The following KBTBD8 variants were observed in gnomAD, a reference collection of about 807,000 sequenced individuals.
KBTBD8 encodes the protein kelch repeat and BTB domain containing 8, also known as kelch repeat and BTB domain-containing protein 8.
In KBTBD8, 31 loss-of-function variants were observed where a neutral mutation model predicts 53.5. The observed-to-expected ratio is 0.58, with a 90% CI of 0.44 to 0.78. The LOEUF (loss-of-function observed/expected upper bound fraction) is 0.78, where lower values mean the gene tolerates loss of function less well. Ranked by LOEUF, KBTBD8 falls within the 30% of genes least tolerant of loss-of-function variation. The pLI is 0.00. For missense variants in KBTBD8, 642 were observed against 735.8 expected (o/e 0.87, Z 1.48); for synonymous variants, 250 against 247.3 (o/e 1.01, Z -0.10).
At position 66,998,347 on chromosome 3, in the gene KBTBD8, C is replaced by G; in HGVS notation, c.-9C>G. On this transcript the variant is annotated 5_prime_UTR_variant, in exon 1 of 4. Transcript: ENST00000417314. ...TTTTAAATAGCTGGAGTCGGGGCCC[C>G]ATCGAGAAATGGCCGCGTCGGCAGG... The G allele has an allele frequency of 7.7e-7, 1 of 1,293,106 alleles. No homozygotes were observed. 80.1% of individuals were successfully genotyped at this position (1,293,106 alleles called of 1,614,324 possible). A position where few individuals can be genotyped will look rare whatever the true frequency, so the allele number is the denominator to read the frequency against.
In KBTBD8 at chr3:67,003,403, C is replaced by T. The variant is rs1702034331; in HGVS notation, c.436C>T (p.His146Tyr). 3 of 1,613,944 alleles carry T rather than the reference C, an allele frequency of 1.9e-6. No homozygotes were observed. The African/African-American group carries it at 4.0e-5, about 22-fold the overall frequency. Reference sequence around the variant, plus strand: ...CCAATGTGCTAAGTATATGATCAGTCATTTGGACCCACAGAATTCTATTGG... The same window carrying T: ...CCAATGTGCTAAGTATATGATCAGTTATTTGGACCCACAGAATTCTATTGG... ...QDQCAKYMIS[H>Y]LDPQNSIGVF... The change falls in exon 3 of 4, where the codon CAT (histidine) becomes TAT (tyrosine). Residue 146 changes from histidine (H) to tyrosine (Y), a missense_variant. By Grantham distance (83) the His-to-Tyr change is moderately conservative. Transcript: ENST00000417314.
chr3:66,998,847 G>A, intron 1 of KBTBD8, 134 bp from the exon 2 acceptor site: 1 of 694,952 alleles, frequency 1.4e-6, no homozygotes, highest in Non-Finnish European at 2.5e-6. Context: ...ACGAGGTCGT[G>A]CGTATATCCA....
chr3:67,008,035 A>G lies in KBTBD8; in HGVS notation c.1456A>G (p.Ile486Val). The G allele has an allele frequency of 1.2e-6, 2 of 1,613,826 alleles. No individual in the cohort carries two copies. The highest frequency in any genetic ancestry group is 1.1e-5 in the South Asian group (1 of 91,074). The change falls in exon 4 of 4, where the codon ATA (isoleucine) becomes GTA (valine). Residue 486 changes from isoleucine to valine, a missense_variant. Ile to Val is a conservative substitution (Grantham distance 29). Transcript: ENST00000417314. The stretch of plus-strand genomic sequence containing the variant: ...TGTATACAAGGACTCTATCTACTAC[A>G]TAGCTGGAACCTGTGGAAATCATCA... ...AAVYKDSIYYIAGTCGNHQRM... is the reference protein window; with the variant it reads ...AAVYKDSIYYVAGTCGNHQRM...
intron 2 of KBTBD8, 124 bp downstream of exon 2, chr3:66,999,315 A>C (rs1481093012): frequency 1.2e-6 from 1 of 807,812 alleles, no homozygotes; most frequent in East Asian, 2.4e-5. Flanking sequence ...TTGTTTCTTG[A>C]GACTAGAAAA....
Position 67,009,950 on chromosome 3 carries a change from C to T in KBTBD8, c.*1565C>T, listed in dbSNP as rs952513920. ...AAACATTGCCTCTTTGCATCACATACCTCGTTTTTCAGAAACTTTCCAAAC... is the reference window on the plus strand; with the variant it reads ...AAACATTGCCTCTTTGCATCACATATCTCGTTTTTCAGAAACTTTCCAAAC... On this transcript the variant is annotated 3_prime_UTR_variant, in exon 4 of 4. Transcript: ENST00000417314. 2.6e-5 allele frequency: 4 copies of T among 152,598 alleles called. No individual in the cohort carries two copies. The highest frequency in any genetic ancestry group is 5.9e-5 in the Non-Finnish European group (4 of 67,996). 9.5% of individuals were successfully genotyped at this position (152,598 alleles called of 1,614,324 possible).
chr3:66,998,399 T>A (rs1480508398), intron 1 of KBTBD8, 28 bp downstream of exon 1: 2 of 1,210,818 alleles, frequency 1.7e-6, no homozygotes, highest in Non-Finnish European at 2.1e-6. Flanking sequence ...CAGGGCGGCG[T>A]GGAGGGAGGT....
At position 67,007,963 on chromosome 3, in the gene KBTBD8, G is replaced by A; in HGVS notation, c.1384G>A (p.Gly462Ser). The A allele has an allele frequency of 1.2e-6, 2 of 1,602,376 alleles. No homozygotes were observed. The highest frequency in any genetic ancestry group is 1.7e-6 in the Non-Finnish European group (2 of 1,175,818). The change falls in exon 4 of 4, where the codon GGT (glycine) becomes AGT (serine). Residue 462 changes from glycine (G) to serine (S), a missense_variant. Physicochemically the swap from Gly to Ser is moderately conservative, Grantham distance 56. Transcript: ENST00000417314. ...CTATGAGCCTCAAAAAGACTACTGG[G>A]GTTTCTTAACCCCCATGACTGTGCC... is the stretch of plus-strand genomic sequence containing the variant. ...LFYEPQKDYW[G>S]FLTPMTVPRI...
rs1283960724 is a variant in KBTBD8 at position 66,998,318 on chromosome 3, T to C, written c.-38T>C. 7.7e-7 allele frequency: 1 copy of C among 1,295,434 alleles called. No homozygotes were observed. The highest frequency in any genetic ancestry group is 9.9e-7 in the Non-Finnish European group (1 of 1,013,470). 80.2% of individuals were successfully genotyped at this position (1,295,434 alleles called of 1,614,324 possible). A position where few individuals can be genotyped will look rare whatever the true frequency, so the allele number is the denominator to read the frequency against. ...GGAGCTAGAGAAGCGAAATGACATTTCCTTTTTAAATAGCTGGAGTCGGGG... is the reference window on the plus strand; with the variant it reads ...GGAGCTAGAGAAGCGAAATGACATTCCCTTTTTAAATAGCTGGAGTCGGGG... On this transcript the variant is annotated 5_prime_UTR_variant, in exon 1 of 4. Transcript: ENST00000417314.
intron 3 of KBTBD8, 74 bp from the exon 4 acceptor site, chr3:67,007,848 T>A: frequency 1.3e-6 from 1 of 750,872 alleles, no homozygotes; most frequent in Non-Finnish European, 2.1e-6. Flanking sequence ...TCTTTAGAGG[T>A]TGTAGTTACA....
chr3:67,007,917 T>TC lies in KBTBD8; in HGVS notation c.1343-5_1343-4insC. The stretch of plus-strand genomic sequence containing the variant: ...ATATTCTTGTTTTCTTTTTTTTTTT[T>TC]TTAGGAGAATTTTTTCTCTTCTATG... On this transcript the variant is annotated splice_region_variant and splice_polypyrimidine_tract_variant and intron_variant, in intron 3 of 3. Coordinates refer to ENST00000417314, the MANE Select transcript of KBTBD8 (RefSeq NM_032505.3). 6.8e-7 allele frequency: 1 copy of TC among 1,474,556 alleles called. No individual in the cohort carries two copies. The highest frequency in any genetic ancestry group is 1.3e-5 in the South Asian group (1 of 74,390). The allele number at this position is 1,474,556 out of a possible 1,614,324, so 91.3% of individuals were successfully genotyped here. A position where few individuals can be genotyped will look rare whatever the true frequency, so the allele number is the denominator to read the frequency against.
chr3:67,009,999 T>C lies in KBTBD8; in HGVS notation c.*1614T>C, dbSNP rs1702103041. ...ACTGCTTTACATAGACCTCTACAAG[T>C]AGGGAATGTTTTCTGAAGCAGAAGT... On this transcript the variant is annotated 3_prime_UTR_variant, in exon 4 of 4. Coordinates refer to ENST00000417314, the MANE Select transcript of KBTBD8 (RefSeq NM_032505.3). The C allele has an allele frequency of 6.6e-6, 1 of 152,578 alleles. No individual in the cohort carries two copies. Among genetic ancestry groups the C allele is most frequent in the African/African-American group, 2.4e-5 (1 of 41,434 alleles). 9.5% of individuals were successfully genotyped at this position (152,578 alleles called of 1,614,324 possible).
Position 67,001,756 on chromosome 3 carries a change from G to A in KBTBD8, c.228-1439G>A, listed in dbSNP as rs190083221. On this transcript the variant is annotated intron_variant, in intron 2 of 3. Coordinates refer to ENST00000417314, the MANE Select transcript of KBTBD8 (RefSeq NM_032505.3). Reference sequence around the variant, plus strand: ...CATTGTAGAAGTAAAAACAGGACTCGAAGATGATTAACCTGGGCAGCAAGT... The same window carrying A: ...CATTGTAGAAGTAAAAACAGGACTCAAAGATGATTAACCTGGGCAGCAAGT... 7.3e-3 allele frequency among the ~76,000 whole-genome samples: 1,109 copies of A among 152,294 alleles called. 19 individuals carry two copies. The highest frequency in any genetic ancestry group is 0.025 in the African/African-American group (1,058 of 41,558).
chr3:67,002,663 C>G (rs1442682425), intron 2 of KBTBD8, among the ~76,000 whole-genome samples: 4 of 151,902 alleles, frequency 2.6e-5, no homozygotes, highest in Non-Finnish European at 5.9e-5. Context: ...CCACCACGCC[C>G]AGCTAATTTT....
At chr3:67,006,422 C>CT (rs926803769) in intron 3 of KBTBD8, among the ~76,000 whole-genome samples, 3 of 152,134 alleles carry the variant, frequency 2.0e-5, no homozygotes, top group African/African-American at 7.2e-5. Flanking sequence ...TTAGCTTTAA[C>CT]TTTTATTAAA....
At chr3:67,002,512 CTTTTTTTTTTTT>C (rs57174511) in intron 2 of KBTBD8, among the ~76,000 whole-genome samples, 1 of 90,368 alleles carries the variant, frequency 1.1e-5, no homozygotes, top group African/African-American at 4.5e-5. Flanking sequence ...TATAGGTATT[CTTTTTTTTTTTT>C]TTTTTTTTTT....
At position 67,008,430 on chromosome 3, in the gene KBTBD8, A is replaced by C. The variant is rs773202312; in HGVS notation, c.*45A>C. The C allele has an allele frequency of 7.4e-7, 1 of 1,358,428 alleles. No individual in the cohort carries two copies. The highest frequency in any genetic ancestry group is 1.0e-6 in the Non-Finnish European group (1 of 981,914). 84.1% of individuals were successfully genotyped at this position (1,358,428 alleles called of 1,614,324 possible). A position where few individuals can be genotyped will look rare whatever the true frequency, so the allele number is the denominator to read the frequency against. On this transcript the variant is annotated 3_prime_UTR_variant, in exon 4 of 4. Coordinates refer to ENST00000417314, the MANE Select transcript of KBTBD8 (RefSeq NM_032505.3). ...GCATCACTGGCATCTCATTCTTAGG[A>C]AACTTGTCTTTGATACAAAAGAGTG...
rs1051498133 is a variant in KBTBD8, at chr3:66,999,162, C to T, written c.198C>T (p.Asn66=). 1.1e-5 allele frequency: 17 copies of T among 1,613,998 alleles called. No homozygotes were observed. The highest frequency in any genetic ancestry group is 1.4e-5 in the Non-Finnish European group (16 of 1,180,008). ...DHGKTFSCHR[N]VLAAISPYFR... Reference sequence around the variant, plus strand: ...GGAAAACATTTTCCTGTCATAGAAACGTTCTTGCTGCAATCAGCCCTTACT... The same window carrying T: ...GGAAAACATTTTCCTGTCATAGAAATGTTCTTGCTGCAATCAGCCCTTACT... Residue 66 remains asparagine, a synonymous_variant, in exon 2 of 4, where the codon AAC becomes AAT. Transcript: ENST00000417314.
intron 2 of KBTBD8, among the ~76,000 whole-genome samples, chr3:66,999,754 ACAAATTAC>A (rs1702000047): frequency 6.6e-6 from 1 of 152,212 alleles, no homozygotes; most frequent in Admixed American, 6.5e-5. Flanking sequence ...TCCTTCAAAA[ACAAATTAC>A]CACTCAATAG....
intron 3 of KBTBD8, among the ~76,000 whole-genome samples, chr3:67,007,325 T>TG (rs568716040): frequency 1.5e-3 from 230 of 151,402 alleles, no homozygotes; most frequent in South Asian, 8.2e-3. Context: ...TTGTGTTTTT[T>TG]TTTTTTTTTT....
Sources: gnomAD v4.1 joint callset for allele counts (sites outside exome capture counted in the v4.1 genomes callset) on GRCh38, gnomAD v4.1.1 for gene constraint, MANE v1.5 for transcripts, NCBI Gene and HGNC (gene_info 2026-07-23, HGNC 2026-07-21) for gene names.